Variants in TRIM2 observed in about 807,000 individuals in gnomAD.
TRIM2 encodes tripartite motif containing 2, also known as tripartite motif-containing protein 2.
Under a neutral mutation model 75.2 loss-of-function variants are expected in TRIM2, and 20 were observed. The ratio of observed to expected loss-of-function variants is 0.27; its 90% confidence interval spans 0.19 to 0.39. TRIM2 has a LOEUF of 0.39. Ranked by LOEUF, TRIM2 falls within the 10% of genes least tolerant of loss-of-function variation. The probability of loss-of-function intolerance (pLI) is 1.00; values close to 1 mark genes in which losing one functional copy is unlikely to be tolerated. For missense variants in TRIM2, 660 were observed against 990.8 expected (o/e 0.67, Z 4.48); for synonymous variants, 373 against 388.3 (o/e 0.96, Z 0.46).
At chr4:153,231,974 G>A (rs1743760107) in intron 1 of TRIM2, among the ~76,000 whole-genome samples, 2 of 152,122 alleles carry the variant, frequency 1.3e-5, no homozygotes, top group African/African-American at 4.8e-5. Flanking sequence ...CAAAGGAAAT[G>A]CTCATTGGAG....
At chr4:153,278,865 T>C (rs1281173411) in intron 3 of TRIM2, among the ~76,000 whole-genome samples, 2 of 151,408 alleles carry the variant, frequency 1.3e-5, no homozygotes, top group African/African-American at 2.4e-5. Flanking sequence ...GAGAATGTCA[T>C]GAAATTCAGG....
chr4:153,326,018 G>A (rs1770084835), intron 10 of TRIM2, among the ~76,000 whole-genome samples: 1 of 152,216 alleles, frequency 6.6e-6, no homozygotes, highest in Non-Finnish European at 1.5e-5. Context: ...CCTTAATTAA[G>A]ATGATCAGAG....
At chr4:153,316,873 C>CTTTTTTTTTTTTTTTTTTTTTTT in intron 8 of TRIM2, among the ~76,000 whole-genome samples, 1 of 61,582 alleles carries the variant, frequency 1.6e-5, no homozygotes, top group Non-Finnish European at 2.6e-5. Context: ...TGCATTATGC[C>CTTTTTTTTTTTTTTTTTTTTTTT]TTTTTTTTTT....
chr4:153,171,840 C>CTTTT (rs398064151), intron 1 of TRIM2, among the ~76,000 whole-genome samples: 3 of 114,784 alleles, frequency 2.6e-5, no homozygotes, highest in Non-Finnish European at 5.3e-5. Flanking sequence ...CGTTTTGGGG[C>CTTTT]TTTTTTTTTT....
intron 1 of TRIM2, among the ~76,000 whole-genome samples, chr4:153,241,746 A>G (rs1457463146): frequency 6.6e-6 from 1 of 152,196 alleles, no homozygotes; most frequent in East Asian, 1.9e-4. Flanking sequence ...TTCTGAACTT[A>G]TCTCAGAATT....
chr4:153,273,399 C>G (rs549991899), intron 2 of TRIM2, among the ~76,000 whole-genome samples: 58 of 149,850 alleles, frequency 3.9e-4, no homozygotes, highest in Non-Finnish European at 5.8e-4. Flanking sequence ...CCTCAGCCTC[C>G]CGAGTAGCTG....
chr4:153,185,913 C>T (rs1560794122), intron 1 of TRIM2, among the ~76,000 whole-genome samples: 1 of 152,192 alleles, frequency 6.6e-6, no homozygotes, highest in African/African-American at 2.4e-5. Flanking sequence ...GAGACATGAA[C>T]AGAGTAAAGT....
chr4:153,170,804 C>T (rs1190475823), intron 1 of TRIM2, among the ~76,000 whole-genome samples: 2 of 152,180 alleles, frequency 1.3e-5, no homozygotes, highest in African/African-American at 2.4e-5. Context: ...AGGGCTATGT[C>T]AGCCCTGAGA....
intron 3 of TRIM2, among the ~76,000 whole-genome samples, chr4:153,282,984 G>A (rs1759708542): frequency 6.6e-6 from 1 of 151,612 alleles, no homozygotes; most frequent in African/African-American, 2.4e-5. Flanking sequence ...GTTTTGCTAT[G>A]TTGCCCAGGC....
intron 1 of TRIM2, among the ~76,000 whole-genome samples, chr4:153,242,946 G>A (rs552999104): frequency 1.2e-4 from 19 of 152,374 alleles, no homozygotes; most frequent in Admixed American, 3.9e-4. Context: ...ATGGGCGGGG[G>A]TGGAGGCAGC....
chr4:153,196,142 T>C (rs1733738303), intron 1 of TRIM2, among the ~76,000 whole-genome samples: 1 of 152,070 alleles, frequency 6.6e-6, no homozygotes, highest in Non-Finnish European at 1.5e-5. Context: ...TTAATGAACA[T>C]TGGCCGGGCA....
upstream of TRIM2, among the ~76,000 whole-genome samples, chr4:153,152,185 A>T (rs1728793174): frequency 6.6e-6 from 1 of 152,136 alleles, no homozygotes; most frequent in South Asian, 2.1e-4. Flanking sequence ...TCTTCTTAGA[A>T]GGCCTAGTGC....
upstream of TRIM2, among the ~76,000 whole-genome samples, chr4:153,200,792 T>C (rs1734272280): frequency 7.1e-6 from 1 of 140,346 alleles, no homozygotes; most frequent in Non-Finnish European, 1.5e-5. Context: ...ATTGTGGTTT[T>C]TTTTCTTTTT....
At chr4:153,155,882 T>C (rs187641456) in intron 1 of TRIM2, among the ~76,000 whole-genome samples, 1 of 152,328 alleles carries the variant, frequency 6.6e-6, no homozygotes, top group East Asian at 1.9e-4. Context: ...AGTCTACCAC[T>C]GCAGGGCCAG....
At chr4:153,252,684 A>G (rs1442606793) in intron 1 of TRIM2, among the ~76,000 whole-genome samples, 1 of 152,032 alleles carries the variant, frequency 6.6e-6, no homozygotes, top group Admixed American at 6.6e-5. Flanking sequence ...TAATTTTTGT[A>G]GTTTTATTAG....
At chr4:153,315,418 C>T in intron 6 of TRIM2, 67 bp from the exon 7 acceptor site, 1 of 1,290,022 alleles carries the variant, frequency 7.8e-7, no homozygotes, top group Non-Finnish European at 1.1e-6. Flanking sequence ...CTGAATTATT[C>T]TCTTGCTGAA....
intron 1 of TRIM2, among the ~76,000 whole-genome samples, chr4:153,180,917 T>C (rs1166389857): frequency 6.6e-6 from 1 of 152,214 alleles, no homozygotes; most frequent in African/African-American, 2.4e-5. Flanking sequence ...GTGCCAGGCA[T>C]TGTCCTGAGT....
At chr4:153,254,521 A>G (rs1283418037) in intron 1 of TRIM2, among the ~76,000 whole-genome samples, 2 of 152,096 alleles carry the variant, frequency 1.3e-5, no homozygotes, top group Non-Finnish European at 2.9e-5. Flanking sequence ...GAGTCCGGCC[A>G]CTTGAGGCCA....
rs558647798 is a variant in TRIM2, at chr4:153,293,154, C to T, written c.605+21C>T. On this transcript the variant is annotated intron_variant, in intron 4 of 11. Coordinates refer to ENST00000338700, the MANE Select transcript of TRIM2 (RefSeq NM_015271.5). ...AAAAGGTGGGGGACCCCTCCCCAAA[C>T]CCCCAACTGGCTGCCTGTACTTGAG... 6 of 1,589,508 alleles carry T rather than the reference C, an allele frequency of 3.8e-6. No individual in the cohort carries two copies. The East Asian group carries it at 1.4e-4, about 36-fold the overall frequency.
Sources: gnomAD v4.1 joint callset for allele counts (sites outside exome capture counted in the v4.1 genomes callset) on GRCh38, gnomAD v4.1.1 for gene constraint, MANE v1.5 for transcripts, NCBI Gene and HGNC (gene_info 2026-07-23, HGNC 2026-07-21) for gene names.